Variants in ZCCHC2 observed in about 807,000 individuals in gnomAD.
The protein encoded by ZCCHC2 is zinc finger CCHC-type containing 2, also known as zinc finger CCHC domain-containing protein 2.
ZCCHC2 carries 39 observed loss-of-function variants against 103.6 expected under a neutral mutation model. That is an observed-to-expected ratio of 0.38 (90% confidence interval 0.29 to 0.49). ZCCHC2 has a LOEUF of 0.49. ZCCHC2 is among the 20% of genes least tolerant of loss of function. ZCCHC2 has a pLI of 0.96. For missense variants in ZCCHC2, 1,483 were observed against 1,491.0 expected (o/e 0.99, Z 0.09); for synonymous variants, 687 against 608.9 (o/e 1.13, Z -1.89).
At chr18:62,526,895 T>A (rs987751254) in intron 1 of ZCCHC2, 12 of 151,468 alleles carry the variant, frequency 7.9e-5, no homozygotes, top group Admixed American at 7.2e-4. Context: ...GAGGCCAGGC[T>A]TTGGGCTAGC....
At chr18:62,526,716 C>T (rs1035704037) in intron 1 of ZCCHC2, among the ~76,000 whole-genome samples, 60 of 152,248 alleles carry the variant, frequency 3.9e-4, no homozygotes, top group African/African-American at 1.4e-3. Flanking sequence ...CCGCGACCCG[C>T]CTTAGGGGCT....
In ZCCHC2 at chr18:62,542,504, A is replaced by G; in HGVS notation, c.1058A>G (p.His353Arg). The G allele has an allele frequency of 6.4e-7, 1 of 1,560,726 alleles. No homozygotes were observed. The highest frequency in any genetic ancestry group is 8.7e-7 in the Non-Finnish European group (1 of 1,151,092). ...APHRAQREAV[H>R]IEKIMLKGVQ... The stretch of plus-strand genomic sequence containing the variant: ...TGTGTTTTTTTTCTTTCAGCTGTAC[A>G]CATTGAGAAGATAATGTTGAAAGGA... Residue 353 changes from histidine to arginine, a missense_variant, in exon 3 of 14, where the codon CAC becomes CGC. Physicochemically the swap from His to Arg is conservative, Grantham distance 29. Around this residue, in one of 3 missense-constraint regions of ZCCHC2, gnomAD observed 568 missense variants for 525.1 expected, o/e 1.08. Coordinates refer to ENST00000269499, the MANE Select transcript of ZCCHC2 (RefSeq NM_017742.6).
In ZCCHC2 at chr18:62,565,059, C is replaced by G. The variant is rs1916292520; in HGVS notation, c.1809C>G (p.Leu603=). ...RLNSRINGIR[L]STPQHAHGGT... is the part of the protein sequence containing the mutation. ...ATAGTAGAATAAATGGTATTAGACT[C>G]TCCACTCCTCAGCATGCCCATGGTG... The change falls in exon 11 of 14, where the codon CTC becomes CTG. Residue 603 remains leucine (L), a synonymous_variant. Coordinates refer to ENST00000269499, the MANE Select transcript of ZCCHC2 (RefSeq NM_017742.6). 2 of 1,613,498 alleles carry G rather than the reference C, an allele frequency of 1.2e-6. No homozygotes were observed. The highest frequency in any genetic ancestry group is 1.3e-5 in the African/African-American group (1 of 74,922).
intron 7 of ZCCHC2, 51 bp downstream of exon 7, chr18:62,558,821 G>T (rs980004609): frequency 1.6e-6 from 2 of 1,237,380 alleles, no homozygotes; most frequent in Non-Finnish European, 2.2e-6. Context: ...ATAGCACATG[G>T]ATAGAACATT....
At position 62,563,028 on chromosome 18, in the gene ZCCHC2, T is replaced by G. The variant is rs377606672; in HGVS notation, c.1570T>G (p.Ser524Ala). Residue 524 changes from serine to alanine, a missense_variant, in exon 9 of 14, where the codon TCT (serine) becomes GCT (alanine). This residue lies in a region of ZCCHC2 where 884 missense variants were observed against 907.5 expected (regional missense o/e 0.97). Transcript: ENST00000269499. ...PIVNNIGTSC[S>A]PLDGLTMQYS... ...TGGTAGCAATATTGGTACAAGTTGTTCTCCATTGGATGGGCTTACCATGCA... is the reference window on the plus strand; with the variant it reads ...TGGTAGCAATATTGGTACAAGTTGTGCTCCATTGGATGGGCTTACCATGCA... 1 of 1,612,274 alleles carries G rather than the reference T, an allele frequency of 6.2e-7. No individual in the cohort carries two copies. The highest frequency in any genetic ancestry group is 8.5e-7 in the Non-Finnish European group (1 of 1,178,462).
At position 62,575,000 on chromosome 18, in the gene ZCCHC2, C is replaced by A; in HGVS notation, c.2919C>A (p.Ser973Arg). Residue 973 changes from serine to arginine, a missense_variant, in exon 13 of 14, where the codon AGC becomes AGA. By Grantham distance (110) the Ser-to-Arg change is moderately radical. Transcript: ENST00000269499. ...CCCCAGGCCCTGCCCCGAGCCCAAG[C>A]CCTGCCTTGACACACAGTACCGCGC... is the stretch of plus-strand genomic sequence containing the variant. ...THTPGPAPSP[S>R]PALTHSTAQS... 1 of 1,614,018 alleles carries A rather than the reference C, an allele frequency of 6.2e-7. No homozygotes were observed. Among genetic ancestry groups the A allele is most frequent in the Non-Finnish European group, 8.5e-7 (1 of 1,179,894 alleles).
intron 1 of ZCCHC2, among the ~76,000 whole-genome samples, chr18:62,533,727 C>T (rs1914793650): frequency 6.6e-6 from 1 of 151,832 alleles, no homozygotes; most frequent in Non-Finnish European, 1.5e-5. Context: ...CAAAAATTAG[C>T]TGGGCGTGGT....
At chr18:62,568,406 A>G in intron 11 of ZCCHC2, among the ~76,000 whole-genome samples, 1 of 152,214 alleles carries the variant, frequency 6.6e-6, no homozygotes, top group Non-Finnish European at 1.5e-5. Context: ...TTCTGATTAT[A>G]AAAGTTCTTA....
At chr18:62,582,064 A>T (rs1917051175), downstream of ZCCHC2, among the ~76,000 whole-genome samples, 1 of 152,368 alleles carries the variant, frequency 6.6e-6, no homozygotes, top group East Asian at 1.9e-4. Flanking sequence ...ATTATAAAAG[A>T]GTTTCAAGAT....
chr18:62,571,815 A>T (rs1432828022), intron 12 of ZCCHC2, among the ~76,000 whole-genome samples: 9 of 152,256 alleles, frequency 5.9e-5, no homozygotes, highest in African/African-American at 1.2e-4. Flanking sequence ...TCTCTGTGAC[A>T]TTAGCTTCTT....
rs1354896667 is a variant in ZCCHC2, at chr18:62,567,797, T to G, written c.1847-2306T>G. Reference sequence around the variant, plus strand: ...CTGTTTCTACTAAAAATATAAAAATTAGCCAGATGTGGTGGTGCACACCTG... The same window carrying G: ...CTGTTTCTACTAAAAATATAAAAATGAGCCAGATGTGGTGGTGCACACCTG... On this transcript the variant is annotated intron_variant, in intron 11 of 13. Coordinates refer to ENST00000269499, the MANE Select transcript of ZCCHC2 (RefSeq NM_017742.6). 2.0e-5 allele frequency among the ~76,000 whole-genome samples: 3 copies of G among 151,550 alleles called. No homozygotes were observed. The East Asian group carries it at 5.8e-4, about 29-fold the overall frequency.
downstream of ZCCHC2, among the ~76,000 whole-genome samples, chr18:62,579,390 C>T (rs1177257310): frequency 4.6e-5 from 7 of 152,250 alleles, no homozygotes; most frequent in Non-Finnish European, 8.8e-5. Context: ...TTATAAGAGA[C>T]GGTTGGGGGC....
At position 62,523,520 on chromosome 18, in the gene ZCCHC2, G is replaced by A. The variant is rs1284523438; in HGVS notation, c.96G>A (p.Lys32=). 7 of 969,532 alleles carry A rather than the reference G, an allele frequency of 7.2e-6. No individual in the cohort carries two copies. Among genetic ancestry groups the A allele is most frequent in the East Asian group, 1.2e-4 (1 of 8,288 alleles). The allele number at this position is 969,532 out of a possible 1,614,324, so 60.1% of individuals were successfully genotyped here. A position where few individuals can be genotyped will look rare whatever the true frequency, so the allele number is the denominator to read the frequency against. Residue 32 remains lysine, a synonymous_variant, in exon 1 of 14, where the codon AAG becomes AAA. Transcript: ENST00000269499. The stretch of plus-strand genomic sequence containing the variant: ...AGGCGGACGCGCGGCCGGGCGCGAA[G>A]GCGCCTTCGCGCCGCCGCCGCGACT... ...EPEADARPGA[K]APSRRRRDCR... is the part of the protein sequence containing the mutation.
intron 8 of ZCCHC2, 115 bp from the exon 9 acceptor site, chr18:62,562,894 A>T: frequency 1.7e-6 from 2 of 1,197,506 alleles, no homozygotes; most frequent in Non-Finnish European, 2.3e-6. Context: ...ATCATTAGGC[A>T]TTCCTTGAAG....
intron 12 of ZCCHC2, among the ~76,000 whole-genome samples, chr18:62,571,108 T>TGCCA (rs1436416921): frequency 2.0e-5 from 3 of 152,252 alleles, no homozygotes; most frequent in Non-Finnish European, 4.4e-5. Flanking sequence ...CAGCTAGTAA[T>TGCCA]GCCACCTTGG....
intron 11 of ZCCHC2, 143 bp from the exon 12 acceptor site, chr18:62,569,960 A>C: frequency 1.5e-6 from 1 of 655,010 alleles, no homozygotes; most frequent in Admixed American, 3.4e-5. Context: ...TAATTTAATC[A>C]GTTTAGATCA....
chr18:62,526,543 G>C (rs1451786133), intron 1 of ZCCHC2, among the ~76,000 whole-genome samples: 7 of 152,172 alleles, frequency 4.6e-5, no homozygotes, highest in Non-Finnish European at 1.0e-4. Flanking sequence ...TGTCACTCCA[G>C]AGGCCGCTGA....
exon 15 of ZCCHC2, chr18:62,585,231 T>G (rs1485638784): frequency 6.6e-6 from 1 of 152,270 alleles, no homozygotes; most frequent in Non-Finnish European, 1.5e-5. Context: ...TACAGATATC[T>G]CCACTCGCAC....
At chr18:62,585,193 A>G (rs189637384) in exon 15 of ZCCHC2, 22 of 152,390 alleles carry the variant, frequency 1.4e-4, no homozygotes, top group Non-Finnish European at 2.2e-4. Context: ...GATAAATTCA[A>G]GTGGCATCAA....
Sources: gnomAD v4.1 joint callset for allele counts (sites outside exome capture counted in the v4.1 genomes callset) on GRCh38, gnomAD v4.1.1 for gene constraint, gnomAD v4.1.1 regional missense constraint, MANE v1.5 for transcripts, NCBI Gene and HGNC (gene_info 2026-07-23, HGNC 2026-07-21) for gene names.